The following TCF12 variants were observed in gnomAD, a reference collection of about 807,000 sequenced individuals.
The protein encoded by TCF12 is DNA-binding protein HTF4.
A neutral mutation model predicts 86.0 loss-of-function variants in TCF12; 45 were observed. The observed-to-expected ratio is 0.52, with a 90% CI of 0.41 to 0.67. TCF12 has a LOEUF of 0.67. Ranked by LOEUF, TCF12 falls within the 30% of genes least tolerant of loss-of-function variation. The pLI, the probability that TCF12 is intolerant of heterozygous loss-of-function variation, is 0.00. For missense variants in TCF12, 881 were observed against 859.9 expected (o/e 1.02, Z -0.31); for synonymous variants, 330 against 299.6 (o/e 1.10, Z -1.05).
intron 4 of TCF12, among the ~76,000 whole-genome samples, chr15:57,081,880 G>A (rs1249512301): frequency 6.6e-6 from 1 of 152,018 alleles, no homozygotes; most frequent in Admixed American, 6.6e-5. Context: ...ATGCTATTAT[G>A]GTTAGTACTG....
intron 6 of TCF12, among the ~76,000 whole-genome samples, chr15:57,170,317 C>T (rs1365515537): frequency 2.0e-5 from 3 of 150,804 alleles, no homozygotes; most frequent in Non-Finnish European, 4.4e-5. Flanking sequence ...GTCACCCAGG[C>T]TGGAGTACAG....
chr15:57,019,263 A>G (rs2065333443), intron 3 of TCF12, among the ~76,000 whole-genome samples: 1 of 152,068 alleles, frequency 6.6e-6, no homozygotes, highest in African/African-American at 2.4e-5. Context: ...ACAGATTAGT[A>G]TTATTTAATT....
At chr15:57,162,012 TG>T (rs1293192187) in intron 5 of TCF12, among the ~76,000 whole-genome samples, 1 of 152,138 alleles carries the variant, frequency 6.6e-6, no homozygotes, top group Non-Finnish European at 1.5e-5. Flanking sequence ...AAGAGGCCCA[TG>T]CACATGTGCA....
At chr15:57,204,073 T>G (rs1330486270) in intron 8 of TCF12, among the ~76,000 whole-genome samples, 5 of 152,172 alleles carry the variant, frequency 3.3e-5, no homozygotes, top group African/African-American at 1.2e-4. Flanking sequence ...CAGCTTAGAC[T>G]CTACTTTTTC....
intron 3 of TCF12, among the ~76,000 whole-genome samples, chr15:57,002,172 A>G (rs1346700273): frequency 2.0e-5 from 3 of 152,186 alleles, no homozygotes; most frequent in Non-Finnish European, 4.4e-5. Flanking sequence ...CTCAATAGGC[A>G]AAGACATGAT....
intron 3 of TCF12, among the ~76,000 whole-genome samples, chr15:57,042,746 A>T (rs1196145950): frequency 6.6e-6 from 1 of 152,120 alleles, no homozygotes; most frequent in Non-Finnish European, 1.5e-5. Flanking sequence ...ATGAATTTTT[A>T]GGTCTACTTT....
intron 6 of TCF12, among the ~76,000 whole-genome samples, chr15:57,179,211 G>A (rs1486313878): frequency 1.3e-5 from 2 of 152,048 alleles, no homozygotes; most frequent in African/African-American, 2.4e-5. Context: ...TGATTGACTG[G>A]GCACGGGACT....
At chr15:56,954,444 A>G (rs1026825627) in intron 3 of TCF12, among the ~76,000 whole-genome samples, 5 of 152,192 alleles carry the variant, frequency 3.3e-5, no homozygotes, top group African/African-American at 1.2e-4. Flanking sequence ...AGACTTAAAT[A>G]TTAGACCTAA....
intron 3 of TCF12, among the ~76,000 whole-genome samples, chr15:57,058,456 A>G (rs1376326551): frequency 6.6e-6 from 1 of 152,224 alleles, no homozygotes; most frequent in East Asian, 1.9e-4. Flanking sequence ...TAAAAACTTT[A>G]ATGGAACATC....
chr15:57,023,735 A>C (rs1369911485), intron 3 of TCF12, among the ~76,000 whole-genome samples: 1 of 152,190 alleles, frequency 6.6e-6, no homozygotes, highest in Admixed American at 6.5e-5. Context: ...GTGATTCTGA[A>C]TTTATTTCTT....
intron 6 of TCF12, 56 bp from the exon 7 acceptor site, chr15:57,192,102 A>G (rs1160624493): frequency 1.9e-6 from 3 of 1,584,512 alleles, no homozygotes; most frequent in Non-Finnish European, 2.6e-6. Context: ...TGAAATTTTC[A>G]GGTTTGGGTC....
intron 5 of TCF12, among the ~76,000 whole-genome samples, chr15:57,122,388 A>G (rs1395002648): frequency 2.0e-5 from 3 of 152,212 alleles, no homozygotes; most frequent in African/African-American, 7.2e-5. Context: ...TATAATGATC[A>G]TATATACTAG....
chr15:57,048,418 C>T (rs747512613), intron 3 of TCF12, among the ~76,000 whole-genome samples: 9 of 152,076 alleles, frequency 5.9e-5, no homozygotes, highest in Non-Finnish European at 1.3e-4. Context: ...CCCGCCACCA[C>T]GCCCGGCTAA....
At chr15:57,212,999 G>C (rs572408524) in intron 8 of TCF12, among the ~76,000 whole-genome samples, 22 of 152,316 alleles carry the variant, frequency 1.4e-4, no homozygotes, top group Non-Finnish European at 2.4e-4. Context: ...ATACACATGT[G>C]CTACTGCTAC....
intron 16 of TCF12, among the ~76,000 whole-genome samples, chr15:57,257,926 A>G (rs1457398837): frequency 2.0e-5 from 3 of 152,166 alleles, no homozygotes; most frequent in African/African-American, 4.8e-5. Context: ...GTTCCCATTT[A>G]TTTAGCGTAA....
At chr15:56,919,638 G>C (rs1438131119) in intron 1 of TCF12, 1 of 312,034 alleles carries the variant, frequency 3.2e-6, no homozygotes, top group African/African-American at 2.2e-5. Context: ...GGAAACTTGG[G>C]GGAGAGGCGG....
chr15:57,138,722 A>G (rs2052740288), intron 5 of TCF12, among the ~76,000 whole-genome samples: 1 of 152,236 alleles, frequency 6.6e-6, no homozygotes, highest in Admixed American at 6.5e-5. Flanking sequence ...TAGAGCTAGA[A>G]GAGGCCTAAC....
At chr15:57,170,672 TATAATATATTATATATAA>T (rs1567557803) in intron 6 of TCF12, among the ~76,000 whole-genome samples, 2 of 8,572 alleles carry the variant, frequency 2.3e-4, no homozygotes, top group Non-Finnish European at 3.9e-4. Context: ...TATATATATA[TATAATATATTATATATAA>T]TATATATTAT....
At chr15:57,129,372 G>A (rs2051932505) in intron 5 of TCF12, among the ~76,000 whole-genome samples, 1 of 152,116 alleles carries the variant, frequency 6.6e-6, no homozygotes, top group South Asian at 2.1e-4. Flanking sequence ...ACCAGCCTGG[G>A]CAACATTGCA....
Sources: allele counts gnomAD v4.1 joint callset (sites outside exome capture counted in the v4.1 genomes callset), GRCh38; gene constraint gnomAD v4.1.1; transcripts MANE v1.5; gene names NCBI Gene and HGNC (gene_info 2026-07-23, HGNC 2026-07-21).